The following CNTN5 variants were observed in gnomAD, a reference collection of about 807,000 sequenced individuals.
The protein encoded by CNTN5 is contactin-5.
In CNTN5, 77 loss-of-function variants were observed where a neutral mutation model predicts 129.1. The ratio of observed to expected loss-of-function variants is 0.60; its 90% confidence interval spans 0.50 to 0.72. The LOEUF (loss-of-function observed/expected upper bound fraction) is 0.72. CNTN5 is among the 30% of genes least tolerant of loss of function. CNTN5 has a pLI of 0.00. For missense variants in CNTN5, 1,478 were observed against 1,328.8 expected (o/e 1.11, Z -1.75); for synonymous variants, 509 against 465.6 (o/e 1.09, Z -1.20).
intron 17 of CNTN5, among the ~76,000 whole-genome samples, chr11:100,264,352 G>A (rs1053914947): frequency 7.3e-5 from 11 of 150,820 alleles, no homozygotes; most frequent in Non-Finnish European, 1.6e-4. Context: ...AGCCCCACAT[G>A]CATTAGGTGT....
chr11:99,103,411 C>G (rs2135357928), intron 1 of CNTN5, among the ~76,000 whole-genome samples: 1 of 152,270 alleles, frequency 6.6e-6, no homozygotes, highest in African/African-American at 2.4e-5. Flanking sequence ...TCCTTTACAT[C>G]TTTTTCTTCA....
At chr11:99,182,311 A>G (rs2135568084) in intron 1 of CNTN5, among the ~76,000 whole-genome samples, 1 of 152,278 alleles carries the variant, frequency 6.6e-6, no homozygotes, top group Admixed American at 6.5e-5. Context: ...TCACAAAGCT[A>G]CTCGACAATA....
At chr11:100,148,573 T>A (rs1946936418) in intron 13 of CNTN5, among the ~76,000 whole-genome samples, 1 of 152,202 alleles carries the variant, frequency 6.6e-6, no homozygotes, top group Non-Finnish European at 1.5e-5. Flanking sequence ...CTCAAGTATT[T>A]GTGTGAGTCG....
At chr11:99,815,863 G>T (rs112245000) in intron 3 of CNTN5, among the ~76,000 whole-genome samples, 1 of 151,924 alleles carries the variant, frequency 6.6e-6, no homozygotes, top group African/African-American at 2.4e-5. Context: ...TTTTGTCTAG[G>T]ATCCCAACTC....
intron 6 of CNTN5, among the ~76,000 whole-genome samples, chr11:99,887,457 G>T (rs1359565556): frequency 6.6e-6 from 1 of 152,142 alleles, no homozygotes; most frequent in African/African-American, 2.4e-5. Flanking sequence ...GAATGTCCTA[G>T]TGTATTAGTC....
At chr11:100,038,431 G>A (rs1239920408) in intron 9 of CNTN5, among the ~76,000 whole-genome samples, 2 of 152,262 alleles carry the variant, frequency 1.3e-5, no homozygotes, top group East Asian at 1.9e-4. Context: ...GTGTTGAAAA[G>A]AATGTATATT....
At chr11:99,427,119 C>T (rs1317893997) in intron 2 of CNTN5, among the ~76,000 whole-genome samples, 2 of 152,138 alleles carry the variant, frequency 1.3e-5, no homozygotes, top group Admixed American at 6.5e-5. Context: ...GGTCCATTTA[C>T]ATAACCTGCA....
At position 99,136,221 on chromosome 11, in the gene CNTN5, A is replaced by C. The variant is rs549899185; in HGVS notation, c.-210+114951A>C. On this transcript the variant is annotated intron_variant, in intron 1 of 24. Transcript: ENST00000524871. ...TCACTTGACAATCTTGTGTATTTCC[A>C]CAAGTCCAACTGCGAAAACCCTCCT... Among the ~76,000 whole-genome samples, 93 of 152,160 alleles carry C rather than the reference A, an allele frequency of 6.1e-4. 1 individual carries two copies. The highest frequency in any genetic ancestry group is 2.2e-3 in the African/African-American group (91 of 41,514).
At chr11:99,564,413 A>G (rs1470885534) in intron 3 of CNTN5, among the ~76,000 whole-genome samples, 1 of 152,126 alleles carries the variant, frequency 6.6e-6, no homozygotes, top group African/African-American at 2.4e-5. Context: ...AGCAAAAGTA[A>G]AGTAGACTAA....
chr11:99,569,780 G>T (rs949890959), intron 3 of CNTN5, among the ~76,000 whole-genome samples: 1 of 152,108 alleles, frequency 6.6e-6, no homozygotes, highest in Admixed American at 6.6e-5. Flanking sequence ...TATGCTCCCT[G>T]TTGCAGTAAT....
At chr11:100,235,199 G>A (rs1949583388) in intron 16 of CNTN5, among the ~76,000 whole-genome samples, 1 of 152,100 alleles carries the variant, frequency 6.6e-6, no homozygotes, top group South Asian at 2.1e-4. Context: ...TATATATTTT[G>A]TACAGACACA....
intron 1 of CNTN5, among the ~76,000 whole-genome samples, chr11:99,213,720 A>T (rs1315830537): frequency 6.6e-6 from 1 of 152,102 alleles, no homozygotes; most frequent in African/African-American, 2.4e-5. Context: ...TGACATGTGT[A>T]TCTGGTTTGT....
intron 1 of CNTN5, among the ~76,000 whole-genome samples, chr11:99,207,868 G>T (rs1204749588): frequency 3.9e-5 from 6 of 152,258 alleles, no homozygotes; most frequent in Middle Eastern, 3.4e-3. Flanking sequence ...AAAGTTGCCT[G>T]CAGTAAGTAA....
At chr11:99,413,931 A>G (rs1409602150) in intron 2 of CNTN5, among the ~76,000 whole-genome samples, 1 of 152,220 alleles carries the variant, frequency 6.6e-6, no homozygotes, top group African/African-American at 2.4e-5. Flanking sequence ...ATTAAATGTC[A>G]ACACATCTTT....
At chr11:99,880,970 T>C (rs1056940937) in intron 6 of CNTN5, among the ~76,000 whole-genome samples, 3 of 152,198 alleles carry the variant, frequency 2.0e-5, no homozygotes, top group Admixed American at 2.0e-4. Context: ...CATGGTTCAT[T>C]AGAAGCTATC....
At chr11:99,796,966 C>G (rs1039371522) in intron 3 of CNTN5, among the ~76,000 whole-genome samples, 2 of 152,070 alleles carry the variant, frequency 1.3e-5, no homozygotes, top group Non-Finnish European at 2.9e-5. Context: ...TCAATTCACT[C>G]CATCCCTAGG....
At chr11:99,625,482 T>C (rs1951093654) in intron 3 of CNTN5, among the ~76,000 whole-genome samples, 1 of 152,174 alleles carries the variant, frequency 6.6e-6, no homozygotes, top group African/African-American at 2.4e-5. Flanking sequence ...TTTTTAAATG[T>C]ATATTCTGTG....
intron 2 of CNTN5, among the ~76,000 whole-genome samples, chr11:99,497,085 T>G (rs1946254154): frequency 6.6e-6 from 1 of 152,060 alleles, no homozygotes; most frequent in South Asian, 2.1e-4. Flanking sequence ...AAAGAGAAAA[T>G]ATTTGTAAAG....
At chr11:100,075,352 G>C (rs144463126) in intron 13 of CNTN5, among the ~76,000 whole-genome samples, 1 of 152,036 alleles carries the variant, frequency 6.6e-6, no homozygotes, top group African/African-American at 2.4e-5. Flanking sequence ...GGGATGGGTC[G>C]TCGTTGGCAC....
Sources: gnomAD v4.1 joint callset for allele counts (sites outside exome capture counted in the v4.1 genomes callset) on GRCh38, gnomAD v4.1.1 for gene constraint, MANE v1.5 for transcripts, NCBI Gene and HGNC (gene_info 2026-07-23, HGNC 2026-07-21) for gene names.